The following SHC4 variants were observed in gnomAD, a reference collection of about 807,000 sequenced individuals.
SHC4 encodes the protein SHC-transforming protein 4.
SHC4 carries 41 observed loss-of-function variants against 69.4 expected under a neutral mutation model. The observed-to-expected ratio is 0.59, with a 90% CI of 0.46 to 0.77. SHC4 has a LOEUF of 0.77. Ranked by LOEUF, SHC4 falls within the 30% of genes least tolerant of loss-of-function variation. The pLI, the probability that SHC4 is intolerant of heterozygous loss-of-function variation, is 0.00. For missense variants in SHC4, 777 were observed against 783.8 expected (o/e 0.99, Z 0.10); for synonymous variants, 318 against 299.3 (o/e 1.06, Z -0.64).
chr15:48,887,210 C>T (rs561553378), intron 3 of SHC4, among the ~76,000 whole-genome samples: 1 of 152,278 alleles, frequency 6.6e-6, no homozygotes, highest in South Asian at 2.1e-4. Flanking sequence ...AAACAAAGAT[C>T]TGACTATATT....
At chr15:48,942,725 C>T (rs1167020520) in intron 1 of SHC4, among the ~76,000 whole-genome samples, 1 of 152,128 alleles carries the variant, frequency 6.6e-6, no homozygotes, top group Admixed American at 6.5e-5. Flanking sequence ...GTTAGGAATG[C>T]TGAAGTAAGA....
chr15:48,852,310 T>C (rs73400401), intron 8 of SHC4, among the ~76,000 whole-genome samples: 8,483 of 152,104 alleles, frequency 0.056, 277 homozygotes, highest in African/African-American at 0.074. Context: ...ATGAAATAAA[T>C]GATAACATAA....
Position 48,918,202 on chromosome 15 carries a change from G to A in SHC4, c.656+6677C>T, listed in dbSNP as rs544832552. Reference sequence around the variant, plus strand: ...TTGAAAAAACACAACAAAAGATCCCGTCCACCACCCTCCCACCCAACTCCC... The same window carrying A: ...TTGAAAAAACACAACAAAAGATCCCATCCACCACCCTCCCACCCAACTCCC... On this transcript the variant is annotated intron_variant, in intron 2 of 11. Transcript: ENST00000332408. 1.1e-4 allele frequency among the ~76,000 whole-genome samples: 16 copies of A among 152,180 alleles called. No homozygotes were observed. In the East Asian group the frequency reaches 1.2e-3, roughly 11 times the overall value.
rs1257622070 is a variant in SHC4, at chr15:48,824,106, C to T, written c.*1865G>A. The stretch of plus-strand genomic sequence containing the variant: ...TACCCATACATTTCTACTGTCTATA[C>T]TCATGCTGATCCCCTTTTTAAGGAC... On this transcript the variant is annotated 3_prime_UTR_variant, in exon 12 of 12. Coordinates refer to ENST00000332408, the MANE Select transcript of SHC4 (RefSeq NM_203349.4). 6.6e-6 allele frequency: 1 copy of T among 152,180 alleles called. No individual in the cohort carries two copies. 9.4% of individuals were successfully genotyped at this position (152,180 alleles called of 1,614,324 possible). A position where few individuals can be genotyped will look rare whatever the true frequency, so the allele number is the denominator to read the frequency against.
At chr15:48,875,139 A>G (rs965759153) in intron 4 of SHC4, among the ~76,000 whole-genome samples, 1 of 152,260 alleles carries the variant, frequency 6.6e-6, no homozygotes. Flanking sequence ...CCAGTTCATT[A>G]CAACAGGTGA....
intron 2 of SHC4, among the ~76,000 whole-genome samples, chr15:48,908,174 T>C (rs969955351): frequency 2.6e-5 from 4 of 152,170 alleles, no homozygotes; most frequent in African/African-American, 9.7e-5. Flanking sequence ...ACCAGCAGTG[T>C]AGACGTGTTC....
chr15:48,916,857 G>A (rs1874495935), intron 2 of SHC4, among the ~76,000 whole-genome samples: 1 of 152,234 alleles, frequency 6.6e-6, no homozygotes, highest in Admixed American at 6.5e-5. Flanking sequence ...CTGAATACAA[G>A]TTACATGTGT....
chr15:48,955,414 C>T (rs571423528), intron 1 of SHC4, among the ~76,000 whole-genome samples: 50 of 152,190 alleles, frequency 3.3e-4, no homozygotes, highest in East Asian at 5.8e-4. Flanking sequence ...AGGCTTGGTT[C>T]GGTCCCTCCA....
At chr15:48,827,269 G>C (rs1366490400) in intron 11 of SHC4, among the ~76,000 whole-genome samples, 1 of 152,142 alleles carries the variant, frequency 6.6e-6, no homozygotes, top group Admixed American at 6.6e-5. Context: ...AATATAATTT[G>C]AATATGGACT....
chr15:48,850,757 T>C (rs565151624), intron 9 of SHC4, among the ~76,000 whole-genome samples: 1 of 152,322 alleles, frequency 6.6e-6, no homozygotes, highest in South Asian at 2.1e-4. Flanking sequence ...ATTCTCACAT[T>C]TCAGACATCC....
chr15:48,828,093 A>ATGTG (rs35818835), intron 11 of SHC4, among the ~76,000 whole-genome samples: 7 of 148,750 alleles, frequency 4.7e-5, no homozygotes, highest in African/African-American at 1.0e-4. Flanking sequence ...ATATGTATGT[A>ATGTG]TGTGTGTGTG....
At position 48,963,089 on chromosome 15, in the gene SHC4, T is replaced by A; in HGVS notation, c.-74A>T. The A allele has an allele frequency of 6.9e-7, 1 of 1,442,724 alleles. No individual in the cohort carries two copies. The highest frequency in any genetic ancestry group is 1.4e-5 in the African/African-American group (1 of 70,980). The allele number at this position is 1,442,724 out of a possible 1,614,324, so 89.4% of individuals were successfully genotyped here. ...GTCTGGTAGATAAACGGTGCAGACATCAGATACCTCAACGCCCGATGCAAC... is the reference window on the plus strand; with the variant it reads ...GTCTGGTAGATAAACGGTGCAGACAACAGATACCTCAACGCCCGATGCAAC... On this transcript the variant is annotated 5_prime_UTR_variant, in exon 1 of 12. It removes an upstream start codon present in the reference 5' UTR. Transcript: ENST00000332408.
intron 5 of SHC4, among the ~76,000 whole-genome samples, chr15:48,871,221 T>A (rs1279645717): frequency 6.6e-6 from 1 of 152,198 alleles, no homozygotes; most frequent in Non-Finnish European, 1.5e-5. Context: ...AAGAACAAGG[T>A]CTGTGTATGT....
intron 4 of SHC4, chr15:48,878,333 G>C: frequency 1.2e-6 from 2 of 1,613,630 alleles, no homozygotes; most frequent in East Asian, 2.2e-5. Flanking sequence ...CCAACAGCTC[G>C]AGGAGGAAGG....
Position 48,891,002 on chromosome 15 carries a change from A to C in SHC4, c.657-191T>G, listed in dbSNP as rs112078006. 1.9e-3 allele frequency among the ~76,000 whole-genome samples: 290 copies of C among 152,236 alleles called. 1 individual carries two copies. The highest frequency in any genetic ancestry group is 6.8e-3 in the African/African-American group (282 of 41,520). Reference sequence around the variant, plus strand: ...TCCTTCTGCAGGAAAACCTAGCAGCACCCTAATACTGAGCAATTGCTTTAC... The same window carrying C: ...TCCTTCTGCAGGAAAACCTAGCAGCCCCCTAATACTGAGCAATTGCTTTAC... On this transcript the variant is annotated intron_variant, in intron 2 of 11. Transcript: ENST00000332408.
intron 9 of SHC4, among the ~76,000 whole-genome samples, chr15:48,848,095 T>C (rs1899129538): frequency 6.6e-6 from 1 of 151,400 alleles, no homozygotes; most frequent in Non-Finnish European, 1.5e-5. Flanking sequence ...GATTACCTGA[T>C]TTATAGGTGC....
chr15:48,851,118 G>C (rs1899205076), intron 9 of SHC4, 70 bp downstream of exon 9: 4 of 1,468,616 alleles, frequency 2.7e-6, no homozygotes, highest in Non-Finnish European at 3.8e-6. Flanking sequence ...TTAAGAGCAA[G>C]GGCCACATAT....
intron 4 of SHC4, among the ~76,000 whole-genome samples, chr15:48,881,600 T>C (rs1191858080): frequency 6.6e-6 from 1 of 152,194 alleles, no homozygotes; most frequent in African/African-American, 2.4e-5. Flanking sequence ...TCTCAATTTT[T>C]GCCTGTTTTA....
chr15:48,863,650 C>CTCTT (rs1899496615), intron 6 of SHC4, among the ~76,000 whole-genome samples: 1 of 152,162 alleles, frequency 6.6e-6, no homozygotes, highest in Non-Finnish European at 1.5e-5. Context: ...TGAATCTAAA[C>CTCTT]TCTTTATCAG....
Sources: gnomAD v4.1 joint callset for allele counts (sites outside exome capture counted in the v4.1 genomes callset) on GRCh38, gnomAD v4.1.1 for gene constraint, MANE v1.5 for transcripts, NCBI Gene and HGNC (gene_info 2026-07-23, HGNC 2026-07-21) for gene names.